DNER: variants seen among roughly 807,000 people sequenced by gnomAD.
DNER encodes delta/notch like EGF repeat containing.
Under a neutral mutation model 78.2 loss-of-function variants are expected in DNER, and 33 were observed. That is an observed-to-expected ratio of 0.42 (90% CI 0.32 to 0.56). DNER has a LOEUF of 0.56. DNER is among the 20% of genes least tolerant of loss of function. The probability of loss-of-function intolerance (pLI) is 0.11; values close to 1 mark genes in which losing one functional copy is unlikely to be tolerated. For synonymous variants in DNER, 417 were observed against 384.8 expected (o/e 1.08, Z -0.98); for missense variants, 918 against 975.3 (o/e 0.94, Z 0.78).
chr2:229,362,386 A>C (rs1450329840), intron 12 of DNER, among the ~76,000 whole-genome samples: 2 of 152,182 alleles, frequency 1.3e-5, no homozygotes, highest in Admixed American at 6.5e-5. Flanking sequence ...TGCAACCTTC[A>C]TGCATGTGAC....
At chr2:229,698,838 T>G (rs951810600) in intron 1 of DNER, among the ~76,000 whole-genome samples, 4 of 152,150 alleles carry the variant, frequency 2.6e-5, no homozygotes, top group African/African-American at 9.7e-5. Context: ...ATCTCTCTCA[T>G]TATGAGGCTT....
At chr2:229,621,634 C>T (rs1698252771) in intron 1 of DNER, among the ~76,000 whole-genome samples, 1 of 151,474 alleles carries the variant, frequency 6.6e-6, no homozygotes, top group African/African-American at 2.4e-5. Context: ...ATGCCTACTA[C>T]AATATTTCCC....
chr2:229,501,484 CA>C (rs1695622936), intron 6 of DNER, among the ~76,000 whole-genome samples: 1 of 151,580 alleles, frequency 6.6e-6, no homozygotes, highest in East Asian at 1.9e-4. Context: ...GCAAAAATGT[CA>C]AAAAATTTAA....
At chr2:229,384,745 G>C (rs1478975969) in intron 11 of DNER, among the ~76,000 whole-genome samples, 2 of 152,048 alleles carry the variant, frequency 1.3e-5, no homozygotes, top group African/African-American at 4.8e-5. Context: ...CCAATAAGAA[G>C]TTCTGAAATT....
chr2:229,388,052 G>A (rs1372255433), intron 11 of DNER, among the ~76,000 whole-genome samples: 4 of 152,002 alleles, frequency 2.6e-5, no homozygotes, highest in African/African-American at 9.7e-5. Context: ...GGGAGTGGGG[G>A]CAGCAGAATG....
intron 1 of DNER, among the ~76,000 whole-genome samples, chr2:229,652,052 A>G (rs796146463): frequency 3.3e-5 from 5 of 152,362 alleles, no homozygotes; most frequent in African/African-American, 1.2e-4. Context: ...GCATTTCAAA[A>G]AAAGGAAAAC....
At chr2:229,590,726 T>C (rs944211531) in intron 2 of DNER, among the ~76,000 whole-genome samples, 6 of 152,234 alleles carry the variant, frequency 3.9e-5, no homozygotes, top group Admixed American at 2.0e-4. Context: ...AGACTCTGAA[T>C]CTGCCTTGAT....
intron 1 of DNER, among the ~76,000 whole-genome samples, chr2:229,709,497 T>C (rs1023490315): frequency 6.6e-6 from 1 of 151,978 alleles, no homozygotes; most frequent in Non-Finnish European, 1.5e-5. Context: ...GTGTGTGTGT[T>C]TGTGTGTAAA....
At chr2:229,701,454 A>T (rs570198335) in intron 1 of DNER, among the ~76,000 whole-genome samples, 1 of 152,356 alleles carries the variant, frequency 6.6e-6, no homozygotes, top group South Asian at 2.1e-4. Flanking sequence ...TATACAAAAA[A>T]TGCTCATTGT....
At position 229,552,646 on chromosome 2, in the gene DNER, TGTTTGTAA is replaced by T. The variant is rs548558946; in HGVS notation, c.848-5562_848-5555del. Reference sequence around the variant, plus strand: ...GGACATGTTTGCTTCCCTTCCACTATGTTTGTAAGTTTCCTGAGGGCTCCCAATCCCTG... The same window carrying T: ...GGACATGTTTGCTTCCCTTCCACTATGTTTCCTGAGGGCTCCCAATCCCTG... On this transcript the variant is annotated intron_variant, in intron 4 of 12. Coordinates refer to ENST00000341772, the MANE Select transcript of DNER (RefSeq NM_139072.4). 3.3e-4 allele frequency among the ~76,000 whole-genome samples: 50 copies of T among 152,180 alleles called. 1 individual carries two copies. Among genetic ancestry groups the T allele is most frequent in the Non-Finnish European group, 6.0e-4 (41 of 68,026 alleles).
At chr2:229,686,354 T>A (rs1699482554) in intron 1 of DNER, among the ~76,000 whole-genome samples, 1 of 152,048 alleles carries the variant, frequency 6.6e-6, no homozygotes, top group Non-Finnish European at 1.5e-5. Context: ...AGGTTCTGAG[T>A]CAGCTTTCAC....
Position 229,591,481 on chromosome 2 carries a change from A to C in DNER, c.585+99T>G. ...GATATTTTGCTTCGTGATTTAACTT[A>C]AAATGCTTTCATTTTTAATTGCTGA... On this transcript the variant is annotated intron_variant, in intron 2 of 12. Transcript: ENST00000341772. This position sits in a 1 kb window ranked among gnomAD's most constrained non-coding sequence, Gnocchi z 4.6. 6 of 1,402,476 alleles carry C rather than the reference A, an allele frequency of 4.3e-6. No individual in the cohort carries two copies. Among genetic ancestry groups the C allele is most frequent in the Non-Finnish European group, 5.7e-6 (6 of 1,052,480 alleles). 86.9% of individuals were successfully genotyped at this position (1,402,476 alleles called of 1,614,324 possible). A position where few individuals can be genotyped will look rare whatever the true frequency, so the allele number is the denominator to read the frequency against.
chr2:229,583,007 C>T (rs2154214362), intron 4 of DNER, among the ~76,000 whole-genome samples: 1 of 152,218 alleles, frequency 6.6e-6, no homozygotes, highest in African/African-American at 2.4e-5. Context: ...TAATTTTTTC[C>T]ACAAAATTTT....
chr2:229,440,552 T>C (rs1694210555), intron 8 of DNER, among the ~76,000 whole-genome samples: 1 of 152,124 alleles, frequency 6.6e-6, no homozygotes, highest in African/African-American at 2.4e-5. Context: ...CTTTTTACAC[T>C]CTCACCCTCT....
intron 1 of DNER, among the ~76,000 whole-genome samples, chr2:229,651,837 A>C (rs188519740): frequency 6.6e-6 from 1 of 152,342 alleles, no homozygotes; most frequent in African/African-American, 2.4e-5. Context: ...GCAAGTTAGC[A>C]TGATCCGTCA....
intron 1 of DNER, among the ~76,000 whole-genome samples, chr2:229,681,833 C>CACAT (rs1284475710): frequency 1.3e-5 from 2 of 149,436 alleles, no homozygotes; most frequent in African/African-American, 5.0e-5. Flanking sequence ...CTAAAACACA[C>CACAT]ACACACACAC....
intron 1 of DNER, among the ~76,000 whole-genome samples, chr2:229,684,161 AGAGAGAGAGTGTGTGTGTGT>A (rs1699440823): frequency 7.4e-6 from 1 of 135,252 alleles, no homozygotes; most frequent in Admixed American, 7.3e-5. Context: ...AGAGAGAGAG[AGAGAGAGAGTGTGTGTGTGT>A]GTGTGTGTGT....
chr2:229,481,509 A>G (rs1412494209), intron 6 of DNER, among the ~76,000 whole-genome samples: 2 of 152,124 alleles, frequency 1.3e-5, no homozygotes, highest in Non-Finnish European at 2.9e-5. Context: ...AATCACTGGT[A>G]TTGATATACA....
At chr2:229,679,432 A>G (rs530267824) in intron 1 of DNER, among the ~76,000 whole-genome samples, 2 of 152,190 alleles carry the variant, frequency 1.3e-5, no homozygotes, top group South Asian at 2.1e-4. Context: ...TGAACTTTCA[A>G]CTTCACTTGT....
Sources: allele counts gnomAD v4.1 joint callset (sites outside exome capture counted in the v4.1 genomes callset), GRCh38; gene constraint gnomAD v4.1.1; non-coding constraint Gnocchi (gnomAD v3.1); transcripts MANE v1.5; gene names NCBI Gene and HGNC (gene_info 2026-07-23, HGNC 2026-07-21).